MAD1L1: variants seen among roughly 807,000 people sequenced by gnomAD.
The protein encoded by MAD1L1 is mitotic spindle assembly checkpoint protein MAD1.
Under a neutral mutation model 96.9 loss-of-function variants are expected in MAD1L1, and 95 were observed. The observed-to-expected ratio is 0.98, with a 90% CI of 0.83 to 1.16. The LOEUF is 1.16. MAD1L1 is among the 50% of genes most tolerant of loss of function. MAD1L1 has a pLI of 0.00. For missense variants in MAD1L1, 1,007 were observed against 954.4 expected, an observed-to-expected ratio of 1.06 and a Z score of -0.73; for synonymous variants, 473 against 396.6, an observed-to-expected ratio of 1.19 and a Z score of -2.29.
At chr7:2,048,212 C>T (rs1313782650) in intron 12 of MAD1L1, among the ~76,000 whole-genome samples, 2 of 152,234 alleles carry the variant, frequency 1.3e-5, no homozygotes, top group African/African-American at 4.8e-5. Context: ...CACACGCGTG[C>T]TCTCAGACAC....
intron 7 of MAD1L1, 94 bp from the exon 8 acceptor site, chr7:2,216,381 T>TGCAGACCGGCTTC: frequency 7.6e-7 from 1 of 1,310,296 alleles, no homozygotes; most frequent in Non-Finnish European, 1.0e-6. Context: ...AGGAAGCCGG[T>TGCAGACCGGCTTC]CTGCAACGGC....
intron 18 of MAD1L1, among the ~76,000 whole-genome samples, chr7:1,841,880 C>T (rs1203905537): frequency 2.0e-5 from 3 of 152,218 alleles, no homozygotes; most frequent in Non-Finnish European, 2.9e-5. Context: ...GATTCCATCT[C>T]TGCTGGGAAT....
intron 18 of MAD1L1, among the ~76,000 whole-genome samples, chr7:1,892,863 A>G (rs887000340): frequency 1.3e-5 from 2 of 152,222 alleles, no homozygotes; most frequent in African/African-American, 4.8e-5. Flanking sequence ...TTTTGCCCCA[A>G]ACTGCATTTG....
chr7:2,152,138 G>A (rs777265092), intron 10 of MAD1L1, among the ~76,000 whole-genome samples: 4 of 152,212 alleles, frequency 2.6e-5, no homozygotes, highest in Admixed American at 1.3e-4. Flanking sequence ...CGCCTGAGGC[G>A]GATGGTCCCA....
At chr7:2,011,826 G>C (rs1197363998) in intron 13 of MAD1L1, among the ~76,000 whole-genome samples, 1 of 138,992 alleles carries the variant, frequency 7.2e-6, no homozygotes, top group Non-Finnish European at 1.5e-5. Flanking sequence ...CATCAACACA[G>C]ACAGGCCAGT....
intron 18 of MAD1L1, among the ~76,000 whole-genome samples, chr7:1,881,111 T>C (rs990179202): frequency 6.6e-6 from 1 of 152,210 alleles, no homozygotes; most frequent in Non-Finnish European, 1.5e-5. Context: ...ATTAAGATTA[T>C]GAGCCATGAC....
intron 12 of MAD1L1, among the ~76,000 whole-genome samples, chr7:2,049,834 C>T (rs1177725309): frequency 6.6e-6 from 1 of 151,352 alleles, no homozygotes; most frequent in Non-Finnish European, 1.5e-5. Context: ...CATCTGCGGG[C>T]ACCAGACCAC....
chr7:2,232,550 G>A (rs142501392), intron 1 of MAD1L1, among the ~76,000 whole-genome samples: 1 of 152,166 alleles, frequency 6.6e-6, no homozygotes. Flanking sequence ...GGACCCCGGG[G>A]CTGGGACCAC....
At chr7:1,866,832 T>C (rs1001428870) in intron 18 of MAD1L1, among the ~76,000 whole-genome samples, 15 of 152,004 alleles carry the variant, frequency 9.9e-5, no homozygotes, top group Non-Finnish European at 1.9e-4. Context: ...TAGGGCCCGG[T>C]GAGGGCCAAG....
intron 17 of MAD1L1, among the ~76,000 whole-genome samples, chr7:1,932,279 C>T (rs552524125): frequency 3.3e-5 from 5 of 152,230 alleles, no homozygotes; most frequent in Non-Finnish European, 5.9e-5. Flanking sequence ...TGGCCCCTGC[C>T]GGCTGCTCCC....
chr7:2,073,152 C>T (rs746803437), intron 11 of MAD1L1, among the ~76,000 whole-genome samples: 3 of 152,208 alleles, frequency 2.0e-5, no homozygotes, highest in Non-Finnish European at 4.4e-5. Flanking sequence ...CAAGCCCGGC[C>T]CTCGGCCTGT....
chr7:1,874,848 G>C (rs993461747), intron 18 of MAD1L1, among the ~76,000 whole-genome samples: 74 of 152,078 alleles, frequency 4.9e-4, no homozygotes, highest in Non-Finnish European at 1.5e-4. Flanking sequence ...GGAAGGCAGG[G>C]AGAGAACACA....
At chr7:2,144,947 C>T (rs974417514) in intron 11 of MAD1L1, among the ~76,000 whole-genome samples, 11 of 152,158 alleles carry the variant, frequency 7.2e-5, no homozygotes, top group East Asian at 3.9e-4. Context: ...TGACCAATGA[C>T]GCCCCATCTG....
chr7:1,875,792 C>T (rs181921720), intron 18 of MAD1L1, among the ~76,000 whole-genome samples: 1 of 152,328 alleles, frequency 6.6e-6, no homozygotes, highest in Non-Finnish European at 1.5e-5. Flanking sequence ...ACTGTGTCCC[C>T]CAAATTTAGA....
In MAD1L1 at chr7:2,225,561, C is replaced by T. The variant is rs1406282512; in HGVS notation, c.151-11G>A. 6 of 1,612,334 alleles carry T rather than the reference C, an allele frequency of 3.7e-6. No individual in the cohort carries two copies. The highest frequency in any genetic ancestry group is 4.5e-5 in the East Asian group (2 of 44,894). ...TGCTCTTTCCTCCAGCTGAGCAGGT[C>T]GCACCCAAAGAAAAACAGAATCCTC... On this transcript the variant is annotated splice_polypyrimidine_tract_variant and intron_variant, in intron 3 of 18. Transcript: ENST00000265854.
At chr7:1,824,588 G>C (rs1416156228) in intron 18 of MAD1L1, among the ~76,000 whole-genome samples, 1 of 152,154 alleles carries the variant, frequency 6.6e-6, no homozygotes, top group Non-Finnish European at 1.5e-5. Context: ...AGGACTGGTT[G>C]TCTGCCAGGC....
At chr7:2,140,384 G>A (rs1038982645) in intron 11 of MAD1L1, among the ~76,000 whole-genome samples, 5 of 152,184 alleles carry the variant, frequency 3.3e-5, no homozygotes, top group Admixed American at 1.3e-4. Context: ...CACCCTCCAC[G>A]CCTCAGAATC....
intron 17 of MAD1L1, among the ~76,000 whole-genome samples, chr7:1,918,531 C>A (rs1334314212): frequency 6.6e-6 from 1 of 152,224 alleles, no homozygotes; most frequent in African/African-American, 2.4e-5. Flanking sequence ...CAGGGAGGAT[C>A]TGTTTGCAGG....
rs1451543919 is a variant in MAD1L1 at position 1,898,189 on chromosome 7, G to A, written c.1998+11C>T. 6.9e-6 allele frequency: 11 copies of A among 1,597,038 alleles called. No individual in the cohort carries two copies. Among genetic ancestry groups the A allele is most frequent in the Non-Finnish European group, 7.7e-6 (9 of 1,171,666 alleles). ...CGAGACAGCCGGAGAGCCGTCACAC[G>A]CAGGACCCACCTTGAAGATGAGGCA... On this transcript the variant is annotated intron_variant, in intron 18 of 18. Transcript: ENST00000265854.
Sources: allele counts gnomAD v4.1 joint callset (sites outside exome capture counted in the v4.1 genomes callset), GRCh38; gene constraint gnomAD v4.1.1; transcripts MANE v1.5; gene names NCBI Gene and HGNC (gene_info 2026-07-23, HGNC 2026-07-21).